MACROH2A1: variants seen among roughly 807,000 people sequenced by gnomAD.
The protein encoded by MACROH2A1 is core histone macro-H2A.1.
A neutral mutation model predicts 31.6 loss-of-function variants in MACROH2A1; 2 were observed. The ratio of observed to expected loss-of-function variants is 0.06; its 90% CI spans 0.03 to 0.20. The LOEUF is 0.20. MACROH2A1 is among the 10% of genes least tolerant of loss of function. MACROH2A1 has a pLI of 1.00. For missense variants in MACROH2A1, 230 were observed against 474.0 expected (o/e 0.49, Z 4.78); for synonymous variants, 169 against 189.6 (o/e 0.89, Z 0.89).
chr5:135,380,850 T>C (rs1765568434), intron 2 of MACROH2A1, among the ~76,000 whole-genome samples: 1 of 152,236 alleles, frequency 6.6e-6, no homozygotes, highest in Non-Finnish European at 1.5e-5. Flanking sequence ...TAACATGGAT[T>C]ATCTCCTGGG....
intron 1 of MACROH2A1, among the ~76,000 whole-genome samples, chr5:135,396,640 T>C (rs1287638412): frequency 6.6e-6 from 1 of 152,044 alleles, no homozygotes; most frequent in East Asian, 1.9e-4. Context: ...GGCTCACTCC[T>C]GGCTAGGTTA....
At chr5:135,351,042 C>T (rs1761469677) in intron 6 of MACROH2A1, 1 of 633,950 alleles carries the variant, frequency 1.6e-6, no homozygotes, top group Non-Finnish European at 2.9e-6. Context: ...AAGGGGCAAT[C>T]AGTCCACGCA....
chr5:135,337,033 G>A (rs1242253064), intron 8 of MACROH2A1, among the ~76,000 whole-genome samples: 1 of 152,224 alleles, frequency 6.6e-6, no homozygotes, highest in East Asian at 1.9e-4. Context: ...GCTGCAGGGT[G>A]CTGAGAGGAG....
chr5:135,394,486 T>C (rs943086152), intron 1 of MACROH2A1, among the ~76,000 whole-genome samples: 1 of 152,132 alleles, frequency 6.6e-6, no homozygotes, highest in Non-Finnish European at 1.5e-5. Flanking sequence ...GATGAATTTC[T>C]CCCTCCCAGT....
At chr5:135,350,744 G>T in intron 6 of MACROH2A1, 1 of 820,990 alleles carries the variant, frequency 1.2e-6, no homozygotes, top group Non-Finnish European at 2.1e-6. Context: ...GCCCTGCATA[G>T]CTGTCAAAGG....
chr5:135,386,316 G>A (rs1402470354), intron 2 of MACROH2A1, among the ~76,000 whole-genome samples: 1 of 152,214 alleles, frequency 6.6e-6, no homozygotes, highest in Non-Finnish European at 1.5e-5. Context: ...TAACTGCTCA[G>A]AACATCCTCC....
In MACROH2A1 at chr5:135,343,243, C is replaced by T. The variant is rs61737517; in HGVS notation, c.953+17G>A. On this transcript the variant is annotated intron_variant, in intron 8 of 8. Transcript: ENST00000511689. ...AGACACACCCATGACCGATACGTAA[C>T]AAGCATGTGCCCCTACCTGCCGCTG... 1.7e-4 allele frequency: 279 copies of T among 1,613,520 alleles called. No homozygotes were observed. Among genetic ancestry groups the T allele is most frequent in the Non-Finnish European group, 2.2e-4 (265 of 1,180,030 alleles).
At chr5:135,350,766 T>C in intron 6 of MACROH2A1, 1 of 1,016,480 alleles carries the variant, frequency 9.8e-7, no homozygotes, top group Non-Finnish European at 1.6e-6. Flanking sequence ...TCAAGCTGTC[T>C]GCAGCGGCCG....
At chr5:135,343,129 T>C in intron 8 of MACROH2A1, 131 bp downstream of exon 8, 9 of 1,578,186 alleles carry the variant, frequency 5.7e-6, no homozygotes, top group Non-Finnish European at 7.7e-6. Flanking sequence ...CTTCCCTGTG[T>C]TGTGCTTCTG....
At chr5:135,355,223 G>A (rs1762034032) in intron 5 of MACROH2A1, 2 of 455,952 alleles carry the variant, frequency 4.4e-6, no homozygotes, top group Admixed American at 2.4e-5. Flanking sequence ...TGGATTTGCT[G>A]AAGGAAGGGA....
intron 1 of MACROH2A1, among the ~76,000 whole-genome samples, chr5:135,392,291 T>C (rs1328213342): frequency 2.0e-5 from 3 of 152,148 alleles, no homozygotes; most frequent in Non-Finnish European, 4.4e-5. Context: ...AGTCAACTCA[T>C]CCCAAGAAAG....
chr5:135,397,254 G>A (rs1768141801), intron 1 of MACROH2A1, among the ~76,000 whole-genome samples: 1 of 152,110 alleles, frequency 6.6e-6, no homozygotes, highest in Admixed American at 6.5e-5. Context: ...GAAGGAATGC[G>A]AGGCGCTCCT....
At chr5:135,388,039 T>C (rs1325326017) in intron 2 of MACROH2A1, among the ~76,000 whole-genome samples, 1 of 141,338 alleles carries the variant, frequency 7.1e-6, no homozygotes, top group South Asian at 2.2e-4. Context: ...TAAACCAACA[T>C]TGATACTTCA....
chr5:135,371,294 G>A (rs1245983486), intron 2 of MACROH2A1, among the ~76,000 whole-genome samples: 1 of 152,122 alleles, frequency 6.6e-6, no homozygotes, highest in Non-Finnish European at 1.5e-5. Flanking sequence ...AGTAACTATA[G>A]TTAACAATCA....
upstream of MACROH2A1, chr5:135,399,409 G>A (rs17168253): frequency 4.9e-4 from 75 of 152,566 alleles, 1 homozygote; most frequent in East Asian, 0.014. The surrounding 1 kb of genome is among the most constrained non-coding windows in gnomAD (Gnocchi z 4.5). Flanking sequence ...CCCGCACCCC[G>A]GACGCGAGGT....
intron 1 of MACROH2A1, among the ~76,000 whole-genome samples, chr5:135,392,703 G>A (rs1442227419): frequency 6.6e-6 from 1 of 152,204 alleles, no homozygotes; most frequent in East Asian, 1.9e-4. Flanking sequence ...ACAAGGGGGA[G>A]AGTGACTGTG....
chr5:135,391,113 A>G (rs1447886651), intron 1 of MACROH2A1, among the ~76,000 whole-genome samples: 2 of 152,230 alleles, frequency 1.3e-5, no homozygotes, highest in Admixed American at 6.5e-5. Context: ...CCTTGCAAAA[A>G]GGTGCCTGTG....
intron 2 of MACROH2A1, among the ~76,000 whole-genome samples, chr5:135,385,362 C>T (rs1766252140): frequency 6.6e-6 from 1 of 152,230 alleles, no homozygotes; most frequent in South Asian, 2.1e-4. Context: ...GGTGGTCCTG[C>T]ATCACCACAG....
At chr5:135,365,360 T>G (rs1763369382) in intron 4 of MACROH2A1, among the ~76,000 whole-genome samples, 1 of 152,110 alleles carries the variant, frequency 6.6e-6, no homozygotes, top group African/African-American at 2.4e-5. Context: ...CTGCCCCCAG[T>G]CACTTCAATG....
Sources: allele counts gnomAD v4.1 joint callset (sites outside exome capture counted in the v4.1 genomes callset), GRCh38; gene constraint gnomAD v4.1.1; non-coding constraint Gnocchi (gnomAD v3.1); transcripts MANE v1.5; gene names NCBI Gene and HGNC (gene_info 2026-07-23, HGNC 2026-07-21).